The following KCNQ3 variants were observed in gnomAD, a reference collection of about 807,000 sequenced individuals.
The protein encoded by KCNQ3 is potassium voltage-gated channel subfamily Q member 3, also known as potassium voltage-gated channel subfamily KQT member 3.
In KCNQ3, 30 loss-of-function variants were observed where a neutral mutation model predicts 92.5. The observed-to-expected ratio is 0.32, with a 90% CI of 0.24 to 0.44. The LOEUF (loss-of-function observed/expected upper bound fraction) is 0.44. Ranked by LOEUF, KCNQ3 falls within the 20% of genes least tolerant of loss-of-function variation. The pLI is 1.00. For synonymous variants in KCNQ3, 450 were observed against 468.8 expected, an observed-to-expected ratio of 0.96 and a Z score of 0.52; for missense variants, 913 against 1,140.3, an observed-to-expected ratio of 0.80 and a Z score of 2.87.
intron 1 of KCNQ3, among the ~76,000 whole-genome samples, chr8:132,189,321 A>G (rs552462925): frequency 2.6e-5 from 4 of 152,074 alleles, no homozygotes; most frequent in Admixed American, 6.5e-5. Flanking sequence ...ACCCTGATTC[A>G]CTTCTACTCC....
chr8:132,180,108 A>G lies in KCNQ3; in HGVS notation c.777+49T>C, dbSNP rs942779921. The G allele has an allele frequency of 3.8e-6, 6 of 1,596,500 alleles. No individual in the cohort carries two copies. The Admixed American group carries it at 5.0e-5, about 13-fold the overall frequency. ...AGGAAGGGATGTCATGGAAGGGCAT[A>G]GGTGGGTGGGAAGCCCATGTGGTCC... On this transcript the variant is annotated intron_variant, in intron 4 of 14. Transcript: ENST00000388996.
intron 1 of KCNQ3, among the ~76,000 whole-genome samples, chr8:132,256,475 G>A (rs1194878261): frequency 1.3e-5 from 2 of 152,056 alleles, no homozygotes; most frequent in Admixed American, 6.6e-5. Flanking sequence ...AAAATTTGAT[G>A]AAAAATATTC....
Position 132,435,789 on chromosome 8 carries a change from A to G in KCNQ3, c.386+44358T>C, listed in dbSNP as rs187599185. On this transcript the variant is annotated intron_variant, in intron 1 of 14. Transcript: ENST00000388996. ...GGTCTCAAACTCCTGATCTCAAACA[A>G]TCCTCCCAAAGTGCTGGGATTACAG... Among the ~76,000 whole-genome samples, 462 of 152,220 alleles carry G rather than the reference A, an allele frequency of 3.0e-3. 7 individuals carry two copies. Among genetic ancestry groups the G allele is most frequent in the Non-Finnish European group, 1.3e-3 (88 of 68,024 alleles).
At chr8:132,277,546 G>T (rs1816373956) in intron 1 of KCNQ3, among the ~76,000 whole-genome samples, 1 of 152,206 alleles carries the variant, frequency 6.6e-6, no homozygotes, top group Non-Finnish European at 1.5e-5. Context: ...GCATGGGGAA[G>T]ACCGGCTGGG....
intron 1 of KCNQ3, among the ~76,000 whole-genome samples, chr8:132,199,174 G>A (rs1027202998): frequency 2.0e-5 from 3 of 151,978 alleles, no homozygotes; most frequent in Admixed American, 6.6e-5. Flanking sequence ...GACAGGTGAC[G>A]ATCTTGCAAG....
chr8:132,180,090 G>C, intron 4 of KCNQ3, 67 bp downstream of exon 4: 1 of 1,532,472 alleles, frequency 6.5e-7, no homozygotes, highest in Non-Finnish European at 9.0e-7. Context: ...CAAAGGAAGG[G>C]ATGTCATGGA....
intron 1 of KCNQ3, among the ~76,000 whole-genome samples, chr8:132,441,129 C>T (rs986720319): frequency 6.6e-6 from 1 of 151,942 alleles, no homozygotes; most frequent in Non-Finnish European, 1.5e-5. Context: ...TGGTGGGGCC[C>T]AGTACACTCT....
chr8:132,196,578 T>A (rs1479502441), intron 1 of KCNQ3, among the ~76,000 whole-genome samples: 1 of 152,226 alleles, frequency 6.6e-6, no homozygotes, highest in African/African-American at 2.4e-5. Flanking sequence ...CCCAAAGGAT[T>A]GGCTGAAGAA....
intron 1 of KCNQ3, among the ~76,000 whole-genome samples, chr8:132,281,686 T>G (rs1271625620): frequency 1.3e-5 from 2 of 152,024 alleles, no homozygotes; most frequent in Non-Finnish European, 2.9e-5. Flanking sequence ...CAACTCCTGA[T>G]TGCATGCCCA....
At chr8:132,395,829 G>A (rs917630313) in intron 1 of KCNQ3, among the ~76,000 whole-genome samples, 1 of 152,178 alleles carries the variant, frequency 6.6e-6, no homozygotes, top group Non-Finnish European at 1.5e-5. Context: ...ATCTCCTAGG[G>A]GAATGTCGCA....
At chr8:132,346,368 CTG>C (rs1818689179) in intron 1 of KCNQ3, among the ~76,000 whole-genome samples, 1 of 152,196 alleles carries the variant, frequency 6.6e-6, no homozygotes, top group Admixed American at 6.5e-5. Context: ...CCACTTCACT[CTG>C]AGAAAATGCC....
At chr8:132,401,918 T>A (rs1376718894) in intron 1 of KCNQ3, among the ~76,000 whole-genome samples, 1 of 151,676 alleles carries the variant, frequency 6.6e-6, no homozygotes, top group Non-Finnish European at 1.5e-5. Flanking sequence ...GAACCTAGAG[T>A]CTGGAACTAT....
At chr8:132,446,927 C>T (rs983571280) in intron 1 of KCNQ3, among the ~76,000 whole-genome samples, 9 of 152,166 alleles carry the variant, frequency 5.9e-5, no homozygotes, top group Admixed American at 2.0e-4. Flanking sequence ...GTGTGTGAGA[C>T]AGCATGTATG....
At chr8:132,418,309 A>T (rs548285991) in intron 1 of KCNQ3, among the ~76,000 whole-genome samples, 1 of 152,282 alleles carries the variant, frequency 6.6e-6, no homozygotes, top group South Asian at 2.1e-4. Context: ...CTGAGGAAAC[A>T]TCCGTGGCTC....
intron 1 of KCNQ3, among the ~76,000 whole-genome samples, chr8:132,364,871 A>C (rs1819275886): frequency 1.3e-5 from 2 of 152,196 alleles, no homozygotes. Flanking sequence ...GGTATATTTA[A>C]TTTAACCCTT....
chr8:132,219,572 G>A lies in KCNQ3; in HGVS notation c.387-33391C>T, dbSNP rs145186206. 2.9e-3 allele frequency among the ~76,000 whole-genome samples: 439 copies of A among 151,948 alleles called. 2 individuals carry two copies. Among genetic ancestry groups the A allele is most frequent in the Middle Eastern group, 0.01 (3 of 292 alleles). Reference sequence around the variant, plus strand: ...CTTCCCTGCTGTTCTCTCTCAGTCTGGCTTAAACAATAATACCTAAAAATG... The same window carrying A: ...CTTCCCTGCTGTTCTCTCTCAGTCTAGCTTAAACAATAATACCTAAAAATG... On this transcript the variant is annotated intron_variant, in intron 1 of 14. Coordinates refer to ENST00000388996, the MANE Select transcript of KCNQ3 (RefSeq NM_004519.4).
chr8:132,216,819 A>G (rs1814046311), intron 1 of KCNQ3, among the ~76,000 whole-genome samples: 1 of 152,092 alleles, frequency 6.6e-6, no homozygotes, highest in African/African-American at 2.4e-5. Flanking sequence ...CACCTGTTAG[A>G]GTCATGTTAC....
chr8:132,193,021 C>G (rs1056576559), intron 1 of KCNQ3, among the ~76,000 whole-genome samples: 2 of 152,170 alleles, frequency 1.3e-5, no homozygotes, highest in African/African-American at 4.8e-5. Flanking sequence ...TTCTTTTCCT[C>G]TCCTTCTCCT....
rs1440214140 is a variant in KCNQ3 at position 132,123,821 on chromosome 8, A to G, written c.*5441T>C. The G allele has an allele frequency of 6.6e-6, 1 of 152,194 alleles. No individual in the cohort carries two copies. The highest frequency in any genetic ancestry group is 1.5e-5 in the Non-Finnish European group (1 of 68,028). The allele number at this position is 152,194 out of a possible 1,614,324, so 9.4% of individuals were successfully genotyped here. On this transcript the variant is annotated 3_prime_UTR_variant, in exon 15 of 15. Transcript: ENST00000388996. ...ATGTCTCTTTGCATCTATGATAACA[A>G]ATCAAAATATGAATCACAATTTTCT...
Sources: gnomAD v4.1 joint callset for allele counts (sites outside exome capture counted in the v4.1 genomes callset) on GRCh38, gnomAD v4.1.1 for gene constraint, MANE v1.5 for transcripts, NCBI Gene and HGNC (gene_info 2026-07-23, HGNC 2026-07-21) for gene names.